SGMS1: variants seen among roughly 807,000 people sequenced by gnomAD.
The protein encoded by SGMS1 is phosphatidylcholine:ceramide cholinephosphotransferase 1.
A neutral mutation model predicts 46.2 loss-of-function variants in SGMS1; 13 were observed. The ratio of observed to expected loss-of-function variants is 0.28; its 90% CI spans 0.18 to 0.45. The LOEUF is 0.45. SGMS1 is among the 20% of genes least tolerant of loss of function. SGMS1 has a pLI of 1.00. For missense variants in SGMS1, 324 were observed against 519.9 expected (o/e 0.62, Z 3.66); for synonymous variants, 203 against 187.8 (o/e 1.08, Z -0.66).
intron 7 of SGMS1, among the ~76,000 whole-genome samples, chr10:50,328,669 G>C (rs1429340624): frequency 6.6e-6 from 1 of 152,166 alleles, no homozygotes; most frequent in South Asian, 2.1e-4. Context: ...AAGAAACTGG[G>C]TCAGAATTAT....
At chr10:50,523,479 G>T (rs1226997592) in intron 2 of SGMS1, among the ~76,000 whole-genome samples, 4 of 152,068 alleles carry the variant, frequency 2.6e-5, no homozygotes, top group Non-Finnish European at 5.9e-5. Flanking sequence ...CTTCCAAAAA[G>T]CTCACTTCAG....
At chr10:50,593,058 C>T (rs117605531) in intron 1 of SGMS1, among the ~76,000 whole-genome samples, 3 of 151,686 alleles carry the variant, frequency 2.0e-5, no homozygotes, top group Non-Finnish European at 4.4e-5. Flanking sequence ...ACTCCACCTT[C>T]CATCTCTGTT....
intron 6 of SGMS1, among the ~76,000 whole-genome samples, chr10:50,354,718 C>G (rs1848106060): frequency 6.6e-6 from 1 of 152,146 alleles, no homozygotes; most frequent in Non-Finnish European, 1.5e-5. Flanking sequence ...TATCCAGAAT[C>G]TACAATAAAC....
intron 2 of SGMS1, among the ~76,000 whole-genome samples, chr10:50,542,405 G>A (rs1402616104): frequency 6.6e-6 from 1 of 151,990 alleles, no homozygotes; most frequent in Non-Finnish European, 1.5e-5. Context: ...ATTTGTTTAA[G>A]AACAGATTAT....
chr10:50,430,759 A>T (rs1055863945), intron 6 of SGMS1, among the ~76,000 whole-genome samples: 4 of 152,134 alleles, frequency 2.6e-5, no homozygotes, highest in Non-Finnish European at 5.9e-5. Context: ...TATAATACCT[A>T]CCACATTCAG....
chr10:50,373,583 G>T (rs1014029617), intron 6 of SGMS1, among the ~76,000 whole-genome samples: 6 of 152,138 alleles, frequency 3.9e-5, no homozygotes, highest in Admixed American at 1.3e-4. Context: ...ACTTTCAAAT[G>T]TCACAGGTTA....
chr10:50,467,927 T>C (rs921914452), intron 3 of SGMS1, among the ~76,000 whole-genome samples: 40 of 152,236 alleles, frequency 2.6e-4, no homozygotes, highest in African/African-American at 9.1e-4. Context: ...AAGCAGTTTA[T>C]GATAGAAACA....
intron 6 of SGMS1, among the ~76,000 whole-genome samples, chr10:50,375,304 A>C (rs1157979708): frequency 6.6e-6 from 1 of 152,222 alleles, no homozygotes; most frequent in Non-Finnish European, 1.5e-5. Context: ...GGTGCTTGTT[A>C]GTCTAGTCAC....
intron 8 of SGMS1, among the ~76,000 whole-genome samples, chr10:50,311,899 G>T (rs564867500): frequency 2.0e-5 from 3 of 152,102 alleles, no homozygotes; most frequent in African/African-American, 7.2e-5. Flanking sequence ...GAATATTTTT[G>T]GTATGTGGAT....
In SGMS1 at chr10:50,344,103, C is replaced by T. The variant is rs1415539303; in HGVS notation, c.12G>A (p.Val4=). 1 of 1,607,212 alleles carries T rather than the reference C, an allele frequency of 6.2e-7. No individual in the cohort carries two copies. Among genetic ancestry groups the T allele is most frequent in the Non-Finnish European group, 8.5e-7 (1 of 1,176,694 alleles). Reference sequence around the variant, plus strand: ...CCACCTTCTTGGGTGACCAATAAACCACTTCCTTCATTGTACTGGCAGACA... The same window carrying T: ...CCACCTTCTTGGGTGACCAATAAACTACTTCCTTCATTGTACTGGCAGACA... MKE[V]VYWSPKKVAD... The change falls in exon 7 of 11, where the codon GTG becomes GTA. Residue 4 remains valine, a synonymous_variant. Transcript: ENST00000361781.
intron 6 of SGMS1, among the ~76,000 whole-genome samples, chr10:50,352,579 GA>G (rs1564885317): frequency 6.6e-6 from 1 of 152,154 alleles, no homozygotes; most frequent in African/African-American, 2.4e-5. Flanking sequence ...CTAAGTTTTA[GA>G]GATAAGTAAA....
intron 7 of SGMS1, among the ~76,000 whole-genome samples, chr10:50,337,406 C>T (rs980044084): frequency 6.6e-6 from 1 of 152,042 alleles, no homozygotes. Flanking sequence ...AAGGTTCTTC[C>T]GGAACTCAGA....
chr10:50,327,811 C>A (rs1480678160), intron 7 of SGMS1, among the ~76,000 whole-genome samples: 1 of 152,186 alleles, frequency 6.6e-6, no homozygotes, highest in Non-Finnish European at 1.5e-5. Flanking sequence ...GAAACTGATT[C>A]TCTGAGGCAA....
chr10:50,390,771 G>A (rs767472440), intron 6 of SGMS1, among the ~76,000 whole-genome samples: 4 of 152,214 alleles, frequency 2.6e-5, no homozygotes, highest in Non-Finnish European at 4.4e-5. Context: ...CAAGGATAGA[G>A]GAATCTGAGA....
intron 6 of SGMS1, among the ~76,000 whole-genome samples, chr10:50,380,699 T>C (rs1848590050): frequency 6.6e-6 from 1 of 152,182 alleles, no homozygotes; most frequent in South Asian, 2.1e-4. Context: ...ATATTACTTG[T>C]ACACCAATTT....
chr10:50,598,177 C>T (rs1838615208), intron 1 of SGMS1, among the ~76,000 whole-genome samples: 1 of 151,636 alleles, frequency 6.6e-6, no homozygotes. Context: ...GCAGGGAGCC[C>T]TCATGATGGG....
intron 6 of SGMS1, among the ~76,000 whole-genome samples, chr10:50,411,944 T>C (rs1849106534): frequency 6.6e-6 from 1 of 152,250 alleles, no homozygotes; most frequent in African/African-American, 2.4e-5. Flanking sequence ...CTCTAAGCAC[T>C]AGCAGGGCTT....
chr10:50,388,874 A>C (rs1444562776), intron 6 of SGMS1, among the ~76,000 whole-genome samples: 1 of 152,228 alleles, frequency 6.6e-6, no homozygotes, highest in Non-Finnish European at 1.5e-5. Context: ...AGAGTGAAAT[A>C]AGATTTTGGA....
intron 3 of SGMS1, among the ~76,000 whole-genome samples, chr10:50,495,037 A>G (rs1837600311): frequency 7.1e-6 from 1 of 140,954 alleles, no homozygotes; most frequent in Non-Finnish European, 1.5e-5. Context: ...CTCCGTCTCA[A>G]AAAAAAAAAT....
Sources: allele counts gnomAD v4.1 joint callset (sites outside exome capture counted in the v4.1 genomes callset), GRCh38; gene constraint gnomAD v4.1.1; transcripts MANE v1.5; gene names NCBI Gene and HGNC (gene_info 2026-07-23, HGNC 2026-07-21).